SHISA9: variants seen among roughly 807,000 people sequenced by gnomAD.
SHISA9 encodes the protein protein shisa-9.
SHISA9 carries 13 observed loss-of-function variants against 38.0 expected under a neutral mutation model. The observed-to-expected ratio is 0.34, with a 90% CI of 0.22 to 0.54. The LOEUF (loss-of-function observed/expected upper bound fraction) is 0.54. SHISA9 is among the 20% of genes least tolerant of loss of function. SHISA9 has a pLI of 0.91. For missense variants in SHISA9, 538 were observed against 575.8 expected, an observed-to-expected ratio of 0.93 and a Z score of 0.67; for synonymous variants, 275 against 242.0, an observed-to-expected ratio of 1.14 and a Z score of -1.27.
chr16:13,436,526 C>CA, the SHISA9 span, among the ~76,000 whole-genome samples: 7 of 152,198 alleles, frequency 4.6e-5, no homozygotes, highest in African/African-American at 1.7e-4. Flanking sequence ...GAAATAACCA[C>CA]AAAAATAGTC....
At chr16:13,042,894 C>A (rs921627476) in intron 2 of SHISA9, among the ~76,000 whole-genome samples, 2 of 152,152 alleles carry the variant, frequency 1.3e-5, no homozygotes, top group African/African-American at 4.8e-5. Flanking sequence ...CCCTGGCACA[C>A]GGTAGAGGCT....
downstream of SHISA9, among the ~76,000 whole-genome samples, chr16:13,245,065 G>A (rs1252128320): frequency 6.6e-6 from 1 of 152,076 alleles, no homozygotes; most frequent in East Asian, 1.9e-4. Flanking sequence ...ACAGGTACGT[G>A]CCACCATGCC....
chr16:13,203,795 TC>T (rs1482092446), intron 3 of SHISA9, among the ~76,000 whole-genome samples: 1 of 152,114 alleles, frequency 6.6e-6, no homozygotes, highest in African/African-American at 2.4e-5. Context: ...ACTCTATCCA[TC>T]CATTCATCCA....
At chr16:13,075,907 C>T (rs2073575530) in intron 2 of SHISA9, among the ~76,000 whole-genome samples, 2 of 152,094 alleles carry the variant, frequency 1.3e-5, no homozygotes, top group African/African-American at 4.8e-5. Flanking sequence ...TGTTTAGCAA[C>T]ATCCTTGGCT....
chr16:13,186,746 T>G lies in SHISA9; in HGVS notation c.692-16648T>G, dbSNP rs909622312. ...TCCCAATCCCCGCTTCTCCAGCCCCTGGTAACCATTCTACTTTCCATCTCT... is the reference window on the plus strand; with the variant it reads ...TCCCAATCCCCGCTTCTCCAGCCCCGGGTAACCATTCTACTTTCCATCTCT... On this transcript the variant is annotated intron_variant, in intron 2 of 4. Transcript: ENST00000558583. Among the ~76,000 whole-genome samples, 5 of 152,204 alleles carry G rather than the reference T, an allele frequency of 3.3e-5. 1 individual carries two copies. Among genetic ancestry groups the G allele is most frequent in the Admixed American group, 6.5e-5 (1 of 15,284 alleles).
chr16:13,262,117 A>G, the SHISA9 span, among the ~76,000 whole-genome samples: 1 of 152,246 alleles, frequency 6.6e-6, no homozygotes, highest in African/African-American at 2.4e-5. Flanking sequence ...AGAGGAAACC[A>G]ACATCTCCAC....
intron 2 of SHISA9, among the ~76,000 whole-genome samples, chr16:13,009,922 A>G (rs2072649143): frequency 6.6e-6 from 1 of 152,176 alleles, no homozygotes; most frequent in Non-Finnish European, 1.5e-5. Context: ...CACACTTGTA[A>G]TCTCAGCACT....
At chr16:13,420,537 G>T in the SHISA9 span, among the ~76,000 whole-genome samples, 2 of 152,126 alleles carry the variant, frequency 1.3e-5, no homozygotes, top group African/African-American at 4.8e-5. Flanking sequence ...GCACAGACAG[G>T]TTATAAAAGT....
chr16:13,070,740 T>G (rs1388012921), intron 2 of SHISA9, among the ~76,000 whole-genome samples: 1 of 152,210 alleles, frequency 6.6e-6, no homozygotes, highest in East Asian at 1.9e-4. Context: ...GGTGTTATCT[T>G]TCTCCAGGTT....
intron 1 of SHISA9, among the ~76,000 whole-genome samples, chr16:12,907,522 A>G (rs563985927): frequency 4.5e-4 from 68 of 152,248 alleles, no homozygotes; most frequent in African/African-American, 1.4e-3. Flanking sequence ...CCTACACAGC[A>G]CAATTCCATT....
chr16:13,011,887 A>G (rs903202317), intron 2 of SHISA9, among the ~76,000 whole-genome samples: 5 of 151,398 alleles, frequency 3.3e-5, no homozygotes, highest in African/African-American at 4.9e-5. Context: ...GTACAGTGGC[A>G]TGATCTCAAC....
chr16:13,554,855 T>G, the SHISA9 span, among the ~76,000 whole-genome samples: 1 of 152,146 alleles, frequency 6.6e-6, no homozygotes, highest in Non-Finnish European at 1.5e-5. Context: ...CTGGCAGCCA[T>G]TTTGAATCAT....
intron 2 of SHISA9, among the ~76,000 whole-genome samples, chr16:13,080,391 G>C (rs1596634333): frequency 1.3e-5 from 2 of 151,988 alleles, no homozygotes; most frequent in Admixed American, 1.3e-4. Flanking sequence ...AAATAAATAA[G>C]TAAAAAACAC....
At chr16:13,243,254 G>T (rs368915230), downstream of SHISA9, among the ~76,000 whole-genome samples, 1 of 119,744 alleles carries the variant, frequency 8.4e-6, no homozygotes, top group Non-Finnish European at 1.8e-5. Context: ...AAAAAAAAAA[G>T]AAAGAAAGTT....
At chr16:13,538,087 C>G in the SHISA9 span, among the ~76,000 whole-genome samples, 1 of 151,976 alleles carries the variant, frequency 6.6e-6, no homozygotes, top group Admixed American at 6.6e-5. Context: ...CTTCAAACAC[C>G]ACAAGCTACT....
intron 2 of SHISA9, among the ~76,000 whole-genome samples, chr16:12,980,524 C>T (rs1469586881): frequency 6.6e-6 from 1 of 150,638 alleles, no homozygotes; most frequent in South Asian, 2.1e-4. Context: ...TTAGAAGTTC[C>T]TGTGTTTTTA....
intron 2 of SHISA9, among the ~76,000 whole-genome samples, chr16:13,188,102 G>T (rs6498392): frequency 0.15 from 22,710 of 152,048 alleles, 1,980 homozygotes; most frequent in Middle Eastern, 0.23. Flanking sequence ...CCTTTTGTGT[G>T]GTCATTTGCT....
the SHISA9 span, among the ~76,000 whole-genome samples, chr16:13,525,363 C>T: frequency 1.7e-3 from 256 of 152,046 alleles, 1 homozygote; most frequent in African/African-American, 5.7e-3. Context: ...TCGAAGAGTC[C>T]GGGAGTGGAA....
chr16:13,370,986 T>G, the SHISA9 span, among the ~76,000 whole-genome samples: 2 of 152,208 alleles, frequency 1.3e-5, no homozygotes, highest in African/African-American at 4.8e-5. Flanking sequence ...AAATTTGAAT[T>G]CCAGCAAACG....
Sources: gnomAD v4.1 joint callset for allele counts (sites outside exome capture counted in the v4.1 genomes callset) on GRCh38, gnomAD v4.1.1 for gene constraint, MANE v1.5 for transcripts, NCBI Gene and HGNC (gene_info 2026-07-23, HGNC 2026-07-21) for gene names.